The following VANGL1 variants were observed in gnomAD, a reference collection of about 807,000 sequenced individuals.
VANGL1 encodes the protein VANGL planar cell polarity protein 1.
VANGL1 carries 18 observed loss-of-function variants against 48.4 expected under a neutral mutation model. The observed-to-expected ratio is 0.37, with a 90% confidence interval of 0.26 to 0.55. The LOEUF (loss-of-function observed/expected upper bound fraction) is 0.55. Among genes scored for constraint, VANGL1 ranks in the 20% least tolerant of loss-of-function variants. VANGL1 has a pLI of 0.81. For synonymous variants in VANGL1, 257 were observed against 261.8 expected (o/e 0.98, Z 0.18); for missense variants, 667 against 675.8 (o/e 0.99, Z 0.14).
chr1:115,681,738 C>T (rs1277755174), intron 4 of VANGL1, among the ~76,000 whole-genome samples: 2 of 152,098 alleles, frequency 1.3e-5, no homozygotes, highest in Non-Finnish European at 2.9e-5. Flanking sequence ...AACTCCTGAC[C>T]TCAGGTGATC....
At chr1:115,679,984 A>AGTGTGTGTGTGT (rs768501546) in intron 4 of VANGL1, among the ~76,000 whole-genome samples, 1 of 137,410 alleles carries the variant, frequency 7.3e-6, no homozygotes, top group East Asian at 2.2e-4. Context: ...CACACCAGGG[A>AGTGTGTGTGTGT]GTGTGTGTGT....
intron 5 of VANGL1, 73 bp from the exon 6 acceptor site, chr1:115,683,871 G>A: frequency 6.3e-7 from 1 of 1,577,326 alleles, no homozygotes; most frequent in Non-Finnish European, 8.7e-7. Flanking sequence ...CTGACAGATT[G>A]GGTACTAGTT....
intron 4 of VANGL1, among the ~76,000 whole-genome samples, chr1:115,681,503 G>GTTTTTTTT (rs368388367): frequency 3.5e-5 from 4 of 114,888 alleles, no homozygotes; most frequent in Non-Finnish European, 3.6e-5. Context: ...TTTTTTTGTT[G>GTTTTTTTT]TTTTTTTTGT....
chr1:115,654,892 C>A (rs961406709), intron 2 of VANGL1, among the ~76,000 whole-genome samples: 4 of 152,170 alleles, frequency 2.6e-5, no homozygotes, highest in Non-Finnish European at 2.9e-5. Flanking sequence ...AATCGAGGCA[C>A]AGAGGGCAGT....
chr1:115,645,200 G>A (rs892042415), intron 1 of VANGL1, among the ~76,000 whole-genome samples: 2 of 152,178 alleles, frequency 1.3e-5, no homozygotes, highest in Admixed American at 6.5e-5. Context: ...ATAGAGGCCT[G>A]TAAGAAACAG....
At chr1:115,661,097 G>A (rs1319215280) in intron 3 of VANGL1, among the ~76,000 whole-genome samples, 1 of 152,200 alleles carries the variant, frequency 6.6e-6, no homozygotes, top group African/African-American at 2.4e-5. Flanking sequence ...ATGATCTGGT[G>A]TGAAAAGCAT....
Position 115,642,096 on chromosome 1 carries a change from G to A in VANGL1, c.-138+10G>A, listed in dbSNP as rs1028691824. On this transcript the variant is annotated intron_variant, in intron 1 of 7. Transcript: ENST00000355485. ...GGCGGCCGGCGCGGAGGTGAGTCCC[G>A]CGAGAGGCCGAGCGCTGCGCGGCGG... 3 of 151,478 alleles carry A rather than the reference G, an allele frequency of 2.0e-5. No homozygotes were observed. The highest frequency in any genetic ancestry group is 4.4e-5 in the Non-Finnish European group (3 of 67,846). The allele number at this position is 151,478 out of a possible 1,614,324, so 9.4% of individuals were successfully genotyped here.
intron 4 of VANGL1, among the ~76,000 whole-genome samples, chr1:115,665,064 C>T (rs1257689330): frequency 6.6e-6 from 1 of 152,162 alleles, no homozygotes; most frequent in Non-Finnish European, 1.5e-5. Context: ...ATATGGCTAG[C>T]CTCATTTAGG....
intron 6 of VANGL1, 101 bp downstream of exon 6, chr1:115,684,177 TG>T (rs965253378): frequency 7.6e-5 from 93 of 1,224,688 alleles, no homozygotes; most frequent in Admixed American, 5.1e-4. Flanking sequence ...CTCACTCTGT[TG>T]CCCAGGCTGG....
At chr1:115,653,360 T>C (rs1207106771) in intron 2 of VANGL1, among the ~76,000 whole-genome samples, 1 of 152,142 alleles carries the variant, frequency 6.6e-6, no homozygotes, top group Non-Finnish European at 1.5e-5. Flanking sequence ...GAATCACACA[T>C]TTCAGCTGGT....
intron 1 of VANGL1, among the ~76,000 whole-genome samples, chr1:115,644,438 G>T (rs1324878700): frequency 6.6e-6 from 1 of 152,172 alleles, no homozygotes. Context: ...TGTGATTTGG[G>T]CATCATGCTA....
chr1:115,685,279 G>T lies in VANGL1; in HGVS notation c.1080-14G>T, dbSNP rs371667583. ...GGCACCATCCTGATTACTTAGTGTT[G>T]CATCACCTTCTAGGCTGGTGGTTGC... On this transcript the variant is annotated splice_polypyrimidine_tract_variant and intron_variant, in intron 6 of 7. Transcript: ENST00000355485. 1.2e-6 allele frequency: 2 copies of T among 1,613,400 alleles called. No homozygotes were observed. The highest frequency in any genetic ancestry group is 1.1e-5 in the South Asian group (1 of 91,034).
chr1:115,681,002 G>A (rs1484908369), intron 4 of VANGL1, among the ~76,000 whole-genome samples: 3 of 152,192 alleles, frequency 2.0e-5, no homozygotes, highest in Non-Finnish European at 4.4e-5. Context: ...CAGCACGTAC[G>A]CTGTTACACA....
At chr1:115,686,808 GT>G (rs1455871948) in intron 7 of VANGL1, among the ~76,000 whole-genome samples, 1 of 152,182 alleles carries the variant, frequency 6.6e-6, no homozygotes, top group African/African-American at 2.4e-5. Context: ...GACAGGTACT[GT>G]TTTAAGCACA....
chr1:115,660,720 C>T (rs897288134), intron 3 of VANGL1, among the ~76,000 whole-genome samples: 3 of 152,192 alleles, frequency 2.0e-5, no homozygotes, highest in Non-Finnish European at 4.4e-5. Context: ...GATAAGCATA[C>T]ATCTGTACAT....
chr1:115,679,069 C>T (rs1366799573), intron 4 of VANGL1, among the ~76,000 whole-genome samples: 2 of 152,154 alleles, frequency 1.3e-5, no homozygotes, highest in African/African-American at 4.8e-5. Context: ...ATTCTCATTC[C>T]CTAATACTGC....
intron 4 of VANGL1, among the ~76,000 whole-genome samples, chr1:115,667,215 C>T (rs987843412): frequency 2.0e-5 from 3 of 152,084 alleles, no homozygotes; most frequent in Admixed American, 6.5e-5. Flanking sequence ...ATGATTTTAT[C>T]GAATTGACTG....
intron 3 of VANGL1, among the ~76,000 whole-genome samples, chr1:115,661,087 A>G (rs1652530291): frequency 6.6e-6 from 1 of 152,128 alleles, no homozygotes; most frequent in Non-Finnish European, 1.5e-5. Context: ...TTGCCCCAGG[A>G]TGATCTGGTG....
Position 115,663,606 on chromosome 1 carries a change from G to A in VANGL1, c.205-55G>A. On this transcript the variant is annotated intron_variant, in intron 3 of 7. Transcript: ENST00000355485. ...GGGCCCTGCATGTTCACTGCCCTTT[G>A]TAGCTTTTACAAATGACCTGTGTCA... 1.9e-6 allele frequency: 3 copies of A among 1,613,352 alleles called. No homozygotes were observed. The South Asian group carries it at 3.3e-5, about 18-fold the overall frequency.
Sources: gnomAD v4.1 joint callset for allele counts (sites outside exome capture counted in the v4.1 genomes callset) on GRCh38, gnomAD v4.1.1 for gene constraint, MANE v1.5 for transcripts, NCBI Gene and HGNC (gene_info 2026-07-23, HGNC 2026-07-21) for gene names.